The following PLPPR1 variants were observed in gnomAD, a reference collection of about 807,000 sequenced individuals.
The protein encoded by PLPPR1 is phospholipid phosphatase related 1, also known as phospholipid phosphatase-related protein type 1.
A neutral mutation model predicts 33.1 loss-of-function variants in PLPPR1; 10 were observed. The ratio of observed to expected loss-of-function variants is 0.30; its 90% CI spans 0.19 to 0.51. The LOEUF is 0.51. PLPPR1 is among the 20% of genes least tolerant of loss of function. The pLI, the probability that PLPPR1 is intolerant of heterozygous loss-of-function variation, is 0.97. For missense variants in PLPPR1, 304 were observed against 408.1 expected, an observed-to-expected ratio of 0.74 and a Z score of 2.20; for synonymous variants, 151 against 151.0, an observed-to-expected ratio of 1.00 and a Z score of 0.00.
intron 1 of PLPPR1, among the ~76,000 whole-genome samples, chr9:101,113,409 G>A (rs1338243502): frequency 1.3e-5 from 2 of 151,978 alleles, no homozygotes; most frequent in African/African-American, 4.8e-5. Context: ...ATGAGTAAGG[G>A]ATATATAACT....
At chr9:101,066,336 G>C (rs1451693256) in intron 1 of PLPPR1, among the ~76,000 whole-genome samples, 1 of 151,950 alleles carries the variant, frequency 6.6e-6, no homozygotes, top group Non-Finnish European at 1.5e-5. Context: ...GGCTGAGATA[G>C]TATGTGTCAG....
At chr9:101,193,385 GA>G in intron 2 of PLPPR1, among the ~76,000 whole-genome samples, 1 of 152,164 alleles carries the variant, frequency 6.6e-6, no homozygotes, top group Non-Finnish European at 1.5e-5. Context: ...CTGACTCTGG[GA>G]GTGGGGCGGG....
At chr9:101,101,848 A>G (rs1830904850) in intron 1 of PLPPR1, among the ~76,000 whole-genome samples, 2 of 152,112 alleles carry the variant, frequency 1.3e-5, no homozygotes, top group Admixed American at 1.3e-4. Context: ...ATAACCCTAA[A>G]CCACAAAGCA....
chr9:101,319,645 T>C (rs1002575673), intron 7 of PLPPR1, among the ~76,000 whole-genome samples: 1 of 152,246 alleles, frequency 6.6e-6, no homozygotes, highest in African/African-American at 2.4e-5. Flanking sequence ...TTTATTTATA[T>C]ACAGCCTGTT....
At chr9:101,229,373 T>G (rs1275037621) in intron 2 of PLPPR1, among the ~76,000 whole-genome samples, 1 of 152,106 alleles carries the variant, frequency 6.6e-6, no homozygotes, top group Non-Finnish European at 1.5e-5. Flanking sequence ...TGATTACCTA[T>G]TCCATGAGAA....
intron 1 of PLPPR1, among the ~76,000 whole-genome samples, chr9:101,103,113 G>C (rs913597866): frequency 2.6e-5 from 2 of 78,276 alleles, no homozygotes; most frequent in African/African-American, 1.1e-4. Context: ...TCACTCTGAT[G>C]GTAGTTTCTT....
chr9:101,075,177 G>A (rs1830522020), intron 1 of PLPPR1, among the ~76,000 whole-genome samples: 2 of 152,130 alleles, frequency 1.3e-5, no homozygotes, highest in African/African-American at 4.8e-5. Flanking sequence ...TTCAAGTATT[G>A]TAAATAAGCA....
chr9:101,201,755 T>C (rs1013378493), intron 2 of PLPPR1, among the ~76,000 whole-genome samples: 2 of 152,140 alleles, frequency 1.3e-5, no homozygotes, highest in Non-Finnish European at 2.9e-5. Flanking sequence ...TCTTATCACA[T>C]AGTTTTATTC....
intron 1 of PLPPR1, among the ~76,000 whole-genome samples, chr9:101,087,163 CTGAG>C (rs60074651): frequency 0.36 from 53,811 of 149,832 alleles, 9,883 homozygotes; most frequent in Non-Finnish European, 0.41. Flanking sequence ...GGGTGACAGA[CTGAG>C]TGAGACTCTG....
intron 3 of PLPPR1, among the ~76,000 whole-genome samples, chr9:101,280,384 A>T (rs1171325577): frequency 6.6e-6 from 1 of 152,134 alleles, no homozygotes. Context: ...TACCAATTTT[A>T]CTCAAACTAT....
At chr9:101,136,944 C>T (rs537155253) in intron 1 of PLPPR1, among the ~76,000 whole-genome samples, 1 of 152,004 alleles carries the variant, frequency 6.6e-6, no homozygotes, top group Non-Finnish European at 1.5e-5. Flanking sequence ...ATTTATTGTA[C>T]ATTTTAAAAT....
At chr9:101,238,744 T>C (rs993963889) in intron 2 of PLPPR1, among the ~76,000 whole-genome samples, 4 of 151,738 alleles carry the variant, frequency 2.6e-5, no homozygotes, top group Non-Finnish European at 4.4e-5. Flanking sequence ...TGCAATATAT[T>C]CGTGTCACAA....
intron 6 of PLPPR1, among the ~76,000 whole-genome samples, chr9:101,317,160 C>T (rs1829069904): frequency 6.6e-6 from 1 of 152,148 alleles, no homozygotes; most frequent in South Asian, 2.1e-4. Flanking sequence ...AAAACAGACC[C>T]AATGGGGTGG....
chr9:101,050,486 A>T (rs775730888), intron 1 of PLPPR1, among the ~76,000 whole-genome samples: 4 of 152,198 alleles, frequency 2.6e-5, no homozygotes, highest in Non-Finnish European at 4.4e-5. Context: ...GACATCTGTG[A>T]GGAAGATTTC....
chr9:101,032,146 G>A (rs1357564134), intron 1 of PLPPR1, among the ~76,000 whole-genome samples: 1 of 152,126 alleles, frequency 6.6e-6, no homozygotes, highest in East Asian at 1.9e-4. Flanking sequence ...TTTTGCAGTG[G>A]CACAACATCA....
chr9:101,176,197 G>C (rs1564166340), intron 1 of PLPPR1, among the ~76,000 whole-genome samples: 1 of 152,112 alleles, frequency 6.6e-6, no homozygotes, highest in African/African-American at 2.4e-5. Flanking sequence ...AAACACCACA[G>C]AAAAAACTGA....
chr9:101,206,927 A>C (rs909069990), intron 2 of PLPPR1, among the ~76,000 whole-genome samples: 35 of 152,058 alleles, frequency 2.3e-4, no homozygotes, highest in African/African-American at 8.2e-4. Context: ...GCCAGGACTT[A>C]TAGGGAATAT....
At chr9:101,308,450 G>A (rs575434506) in intron 4 of PLPPR1, among the ~76,000 whole-genome samples, 1 of 152,310 alleles carries the variant, frequency 6.6e-6, no homozygotes, top group Middle Eastern at 3.4e-3. Flanking sequence ...GGAACCTATT[G>A]TAGGCTTCTG....
intron 2 of PLPPR1, among the ~76,000 whole-genome samples, chr9:101,225,458 T>C (rs1827044788): frequency 6.6e-6 from 1 of 152,146 alleles, no homozygotes; most frequent in Non-Finnish European, 1.5e-5. Flanking sequence ...CAATTCCACA[T>C]AGCTCACCCA....
Sources: allele counts gnomAD v4.1 joint callset (sites outside exome capture counted in the v4.1 genomes callset), GRCh38; gene constraint gnomAD v4.1.1; transcripts MANE v1.5; gene names NCBI Gene and HGNC (gene_info 2026-07-23, HGNC 2026-07-21).